The following NF1 variants were observed in gnomAD, a reference collection of about 807,000 sequenced individuals.
NF1 encodes the protein neurofibromin.
NF1 carries 122 observed loss-of-function variants against 325.7 expected under a neutral mutation model. That is an observed-to-expected ratio of 0.37 (90% CI 0.32 to 0.44). The LOEUF (loss-of-function observed/expected upper bound fraction) is 0.44, where lower values mean the gene tolerates loss of function less well. NF1 is among the 20% of genes least tolerant of loss of function. NF1 has a pLI of 1.00. For synonymous variants in NF1, 1,091 were observed against 1,186.0 expected (o/e 0.92, Z 1.65); for missense variants, 2,140 against 3,415.4 (o/e 0.63, Z 9.31).
chr17:31,235,976 C>T lies in NF1; in HGVS notation c.3929C>T (p.Thr1310Ile), dbSNP rs1555615554. The stretch of plus-strand genomic sequence containing the variant: ...GATCCTTTATTACGAATTGTGATCA[C>T]ATCCTCTGATTGGCAACATGTTAGC... Reference protein sequence around the residue: ...LLDPLLRIVITSSDWQHVSFE... With the variant: ...LLDPLLRIVIISSDWQHVSFE... Residue 1310 changes from threonine (T) to isoleucine (I), a missense_variant, in exon 29 of 58, where the codon ACA (threonine) becomes ATA (isoleucine). Thr to Ile is a moderately conservative substitution (Grantham distance 89). Coordinates refer to ENST00000358273, the MANE Select transcript of NF1 (RefSeq NM_001042492.3). The T allele has an allele frequency of 1.2e-6, 2 of 1,614,032 alleles. No individual in the cohort carries two copies. Among genetic ancestry groups the T allele is most frequent in the South Asian group, 1.1e-5 (1 of 91,076 alleles).
At chr17:31,276,092 C>G (rs963586368) in intron 36 of NF1, among the ~76,000 whole-genome samples, 1 of 151,468 alleles carries the variant, frequency 6.6e-6, no homozygotes, top group Non-Finnish European at 1.5e-5. Flanking sequence ...GCCTGTAGTC[C>G]CAGCTACTTG....
chr17:31,124,272 CT>C (rs1218263467), intron 1 of NF1, among the ~76,000 whole-genome samples: 1 of 151,576 alleles, frequency 6.6e-6, no homozygotes, highest in East Asian at 1.9e-4. Flanking sequence ...GCCTTGTTGC[CT>C]AGGCTGATCT....
chr17:31,366,921 C>T (rs563141356), intron 57 of NF1, among the ~76,000 whole-genome samples: 3 of 151,894 alleles, frequency 2.0e-5, no homozygotes, highest in South Asian at 4.2e-4. Context: ...TTAAATTGAG[C>T]GATTTCTTGG....
chr17:31,099,032 G>A (rs1040120380), intron 1 of NF1, among the ~76,000 whole-genome samples: 3 of 152,100 alleles, frequency 2.0e-5, no homozygotes, highest in Admixed American at 1.3e-4. Flanking sequence ...CTGGGCCCAG[G>A]GGGAGTTAAG....
At chr17:31,196,920 T>C (rs953057888) in intron 8 of NF1, among the ~76,000 whole-genome samples, 1 of 152,232 alleles carries the variant, frequency 6.6e-6, no homozygotes, top group Non-Finnish European at 1.5e-5. Context: ...CACATTGTTT[T>C]GATTACTGTA....
intron 12 of NF1, among the ~76,000 whole-genome samples, chr17:31,209,200 C>T (rs989641804): frequency 1.3e-5 from 2 of 152,150 alleles, no homozygotes; most frequent in African/African-American, 4.8e-5. Context: ...AAAATCACCC[C>T]CAGTTGAGAA....
At chr17:31,265,964 G>C (rs951666922) in intron 36 of NF1, among the ~76,000 whole-genome samples, 1 of 151,792 alleles carries the variant, frequency 6.6e-6, no homozygotes. Context: ...TTTCTTTTTT[G>C]CTTCATTTTA....
chr17:31,299,064 G>C (rs1031424723), intron 36 of NF1, among the ~76,000 whole-genome samples: 1 of 151,982 alleles, frequency 6.6e-6, no homozygotes, highest in Non-Finnish European at 1.5e-5. Flanking sequence ...AATAGTAGTG[G>C]CAATGTTTCT....
At chr17:31,145,285 C>T (rs1308255438) in intron 1 of NF1, among the ~76,000 whole-genome samples, 3 of 152,178 alleles carry the variant, frequency 2.0e-5, no homozygotes, top group Admixed American at 1.3e-4. Flanking sequence ...CTCCGCCTCC[C>T]GGGTTCAAGC....
At chr17:31,222,211 G>A (rs2066936956) in intron 15 of NF1, 2 of 1,112,000 alleles carry the variant, frequency 1.8e-6, no homozygotes, top group Middle Eastern at 3.8e-4. Flanking sequence ...ATTTCAATGT[G>A]GTTACTACTG....
At chr17:31,332,535 A>G (rs995964538) in intron 39 of NF1, among the ~76,000 whole-genome samples, 1 of 151,936 alleles carries the variant, frequency 6.6e-6, no homozygotes, top group Non-Finnish European at 1.5e-5. Flanking sequence ...GTGCTGACCG[A>G]TTAATAAAAA....
chr17:31,228,643 G>A (rs2067057831), intron 20 of NF1, among the ~76,000 whole-genome samples: 1 of 150,616 alleles, frequency 6.6e-6, no homozygotes, highest in East Asian at 1.9e-4. Context: ...TTCCCCCAAC[G>A]TCTCTAGCCC....
chr17:31,229,588 C>T (rs2067077281), intron 21 of NF1, 123 bp downstream of exon 21: 5 of 1,233,710 alleles, frequency 4.1e-6, no homozygotes, highest in Non-Finnish European at 5.8e-6. Flanking sequence ...CAAAAAATTG[C>T]AGAAAGAAGA....
intron 12 of NF1, among the ~76,000 whole-genome samples, chr17:31,211,437 G>A (rs1335135117): frequency 1.3e-5 from 2 of 152,218 alleles, no homozygotes; most frequent in Admixed American, 1.3e-4. Context: ...TTGATATTTG[G>A]GATTAAGAGG....
intron 46 of NF1, 51 bp from the exon 47 acceptor site, chr17:31,340,454 A>G (rs2069786868): frequency 6.2e-7 from 1 of 1,612,780 alleles, no homozygotes; most frequent in Admixed American, 1.7e-5. Flanking sequence ...GTTTTGAAAG[A>G]GACTATGTCA....
At chr17:31,134,031 T>C (rs1196528500) in intron 1 of NF1, among the ~76,000 whole-genome samples, 11 of 152,176 alleles carry the variant, frequency 7.2e-5, no homozygotes, top group Admixed American at 7.2e-4. Context: ...GGTTTTTTTT[T>C]AATAGAGGTT....
At chr17:31,299,449 A>C (rs1438817119) in intron 36 of NF1, 1 of 152,056 alleles carries the variant, frequency 6.6e-6, no homozygotes, top group African/African-American at 2.4e-5. Context: ...AATGATAGTT[A>C]GGCAACTTTT....
chr17:31,312,283 G>A (rs865830965), intron 36 of NF1, among the ~76,000 whole-genome samples: 4 of 152,166 alleles, frequency 2.6e-5, no homozygotes, highest in Middle Eastern at 3.4e-3. Flanking sequence ...GCCGAGGTGG[G>A]CCAATCACTT....
intron 5 of NF1, among the ~76,000 whole-genome samples, chr17:31,175,212 G>A (rs986100484): frequency 1.3e-5 from 2 of 150,442 alleles, no homozygotes; most frequent in African/African-American, 4.9e-5. Context: ...TCTCAGTTAT[G>A]TTAAATATAT....
Sources: gnomAD v4.1 joint callset for allele counts (sites outside exome capture counted in the v4.1 genomes callset) on GRCh38, gnomAD v4.1.1 for gene constraint, MANE v1.5 for transcripts, NCBI Gene and HGNC (gene_info 2026-07-23, HGNC 2026-07-21) for gene names.